CRYAB: variants seen among roughly 807,000 people sequenced by gnomAD.
The protein encoded by CRYAB is crystallin alpha B.
CRYAB carries 9 observed loss-of-function variants against 12.7 expected under a neutral mutation model. The observed-to-expected ratio is 0.71, with a 90% CI of 0.43 to 1.24. CRYAB has a LOEUF of 1.24. Ranked by LOEUF, CRYAB falls within the 50% of genes most tolerant of loss-of-function variation. CRYAB has a pLI of 0.00. For missense variants in CRYAB, 183 were observed against 226.6 expected (o/e 0.81, Z 1.24); for synonymous variants, 93 against 86.8 (o/e 1.07, Z -0.40).
At chr11:111,916,043 T>C (rs2137393784), upstream of CRYAB, among the ~76,000 whole-genome samples, 1 of 152,166 alleles carries the variant, frequency 6.6e-6, no homozygotes, top group South Asian at 2.1e-4. Context: ...TACCTGGCCT[T>C]CCATTTTCTT....
upstream of CRYAB, among the ~76,000 whole-genome samples, chr11:111,916,834 CCTTTT>C (rs1231355997): frequency 5.8e-4 from 88 of 151,906 alleles, no homozygotes; most frequent in African/African-American, 1.6e-3. Flanking sequence ...GATTTCCTTT[CCTTTT>C]CTTTTCTTTT....
chr11:111,915,491 G>A (rs1965584033), upstream of CRYAB, among the ~76,000 whole-genome samples: 1 of 152,128 alleles, frequency 6.6e-6, no homozygotes, highest in Non-Finnish European at 1.5e-5. Context: ...CAACTTTCCA[G>A]AATCTAGTTG....
At chr11:111,920,036 A>T (rs1294940502) in intron 1 of CRYAB, among the ~76,000 whole-genome samples, 2 of 151,918 alleles carry the variant, frequency 1.3e-5, no homozygotes, top group Admixed American at 6.6e-5. Flanking sequence ...TCTACTGAAA[A>T]TACAAAAAAT....
At chr11:111,916,803 T>C (rs1214767652), upstream of CRYAB, among the ~76,000 whole-genome samples, 1 of 152,122 alleles carries the variant, frequency 6.6e-6, no homozygotes, top group Non-Finnish European at 1.5e-5. Context: ...GAGTTTCTGG[T>C]CATCTAAAAA....
chr11:111,917,706 CACAGT>C (rs1965619195), upstream of CRYAB, among the ~76,000 whole-genome samples: 1 of 149,212 alleles, frequency 6.7e-6, no homozygotes, highest in Non-Finnish European at 1.5e-5. Context: ...ATTAGCTAGG[CACAGT>C]GGTGTGAGCC....
chr11:111,919,440 T>C (rs1965652748), intron 1 of CRYAB, among the ~76,000 whole-genome samples: 1 of 151,948 alleles, frequency 6.6e-6, no homozygotes, highest in African/African-American at 2.4e-5. Context: ...GCCACTGCAC[T>C]CCAGCCTGGC....
At chr11:111,912,895 C>A (rs1489345545), upstream of CRYAB, 3 of 1,608,990 alleles carry the variant, frequency 1.9e-6, no homozygotes, top group Non-Finnish European at 2.5e-6. Context: ...CCAACCCGAG[C>A]CGCCTGGGTG....
upstream of CRYAB, chr11:111,913,522 G>A (rs1555165857): frequency 1.2e-6 from 2 of 1,614,066 alleles, no homozygotes; most frequent in Non-Finnish European, 1.7e-6. Context: ...GCTGGGGAGG[G>A]CAGCAGGGCA....
upstream of CRYAB, among the ~76,000 whole-genome samples, chr11:111,915,025 G>A (rs1480367125): frequency 1.3e-5 from 2 of 152,130 alleles, no homozygotes; most frequent in African/African-American, 4.8e-5. Context: ...AGCTGAGATT[G>A]CGCCACTGCA....
At chr11:111,921,417 C>A (rs1244867496) in intron 1 of CRYAB, among the ~76,000 whole-genome samples, 4 of 152,208 alleles carry the variant, frequency 2.6e-5, no homozygotes, top group Non-Finnish European at 4.4e-5. Flanking sequence ...GTAGCCACTT[C>A]ATAAAGAATG....
At chr11:111,912,745 C>A (rs901697078), upstream of CRYAB, 65 of 1,063,672 alleles carry the variant, frequency 6.1e-5, no homozygotes, top group Middle Eastern at 6.1e-4. Flanking sequence ...TCCTATCGAG[C>A]CCTGGCTCTC....
chr11:111,910,267 C>T (rs782580108), intron 2 of CRYAB, 60 bp downstream of exon 2: 60 of 1,607,970 alleles, frequency 3.7e-5, no homozygotes, highest in Non-Finnish European at 4.8e-5. Context: ...ATAGCACTAC[C>T]TGGACTATTA....
chr11:111,921,640 G>A (rs2137400560), intron 1 of CRYAB, among the ~76,000 whole-genome samples: 1 of 152,258 alleles, frequency 6.6e-6, no homozygotes, highest in Admixed American at 6.5e-5. Context: ...AGATGTAACA[G>A]CTTCTTTTAT....
chr11:111,913,324 A>G (rs1965531157), upstream of CRYAB: 3 of 755,716 alleles, frequency 4.0e-6, no homozygotes, highest in East Asian at 5.0e-5. Context: ...CCCGTTCCCT[A>G]CTCCTCCTGA....
intron 1 of CRYAB, chr11:111,923,685 G>A (rs1213015250): frequency 9.2e-5 from 14 of 152,228 alleles, no homozygotes; most frequent in African/African-American, 2.9e-4. Context: ...GTGAGGGCAG[G>A]ATAGCTGAGT....
chr11:111,911,877 G>C (rs1233597721), upstream of CRYAB: 5 of 633,484 alleles, frequency 7.9e-6, no homozygotes, highest in Non-Finnish European at 1.4e-5. Context: ...ATGGAGACTT[G>C]TGATCCGGGA....
Position 111,908,978 on chromosome 11 carries a change from A to G in CRYAB, c.325-11T>C, listed in dbSNP as rs1555165264. The G allele has an allele frequency of 1.2e-6, 2 of 1,613,912 alleles. No individual in the cohort carries two copies. The highest frequency in any genetic ancestry group is 3.3e-5 in the Admixed American group (2 of 59,994). On this transcript the variant is annotated splice_polypyrimidine_tract_variant and intron_variant, in intron 2 of 2. Coordinates refer to ENST00000650687, the MANE Select transcript of CRYAB (RefSeq NM_001289808.2). ...GAAACCATGTTCATCCTAACCCAAA[A>G]GAATGAGGAAAGAGGCAGAGAGATA...
chr11:111,910,308 A>G lies in CRYAB; in HGVS notation c.324+19T>C. ...TGCACTGAATGAATGAGCAGAAAAC[A>G]AAAAAACAAGCTACATACCTGGCGC... On this transcript the variant is annotated intron_variant, in intron 2 of 2. Transcript: ENST00000650687. 3 of 1,614,016 alleles carry G rather than the reference A, an allele frequency of 1.9e-6. No individual in the cohort carries two copies. Among genetic ancestry groups the G allele is most frequent in the Non-Finnish European group, 2.5e-6 (3 of 1,179,960 alleles).
At chr11:111,911,886 G>A, upstream of CRYAB, 1 of 625,690 alleles carries the variant, frequency 1.6e-6, no homozygotes, top group Non-Finnish European at 2.9e-6. Context: ...TGTGATCCGG[G>A]ATTTGGCAAT....
Sources: gnomAD v4.1 joint callset for allele counts (sites outside exome capture counted in the v4.1 genomes callset) on GRCh38, gnomAD v4.1.1 for gene constraint, MANE v1.5 for transcripts, NCBI Gene and HGNC (gene_info 2026-07-23, HGNC 2026-07-21) for gene names.